XKR4: variants seen among roughly 807,000 people sequenced by gnomAD.
XKR4 encodes the protein XK related 4.
A neutral mutation model predicts 53.9 loss-of-function variants in XKR4; 12 were observed. The observed-to-expected ratio is 0.22, with a 90% CI of 0.14 to 0.36. The LOEUF is 0.36. XKR4 is among the 10% of genes least tolerant of loss of function. The pLI is 1.00. For synonymous variants in XKR4, 354 were observed against 362.4 expected (o/e 0.98, Z 0.26); for missense variants, 799 against 859.5 (o/e 0.93, Z 0.88).
At chr8:55,370,160 AG>A (rs1362549004) in intron 2 of XKR4, among the ~76,000 whole-genome samples, 2 of 152,214 alleles carry the variant, frequency 1.3e-5, no homozygotes, top group Non-Finnish European at 2.9e-5. Flanking sequence ...CTGGATTCAA[AG>A]GCAAGCAGGC....
chr8:55,388,054 A>T (rs1804350614), intron 2 of XKR4, among the ~76,000 whole-genome samples: 1 of 152,160 alleles, frequency 6.6e-6, no homozygotes, highest in Admixed American at 6.5e-5. Flanking sequence ...TTAAAAAATA[A>T]TTTTCAGTAG....
At chr8:55,458,644 T>C (rs1805605878) in intron 2 of XKR4, among the ~76,000 whole-genome samples, 1 of 152,120 alleles carries the variant, frequency 6.6e-6, no homozygotes, top group Non-Finnish European at 1.5e-5. Flanking sequence ...GGAAAGGGAA[T>C]GGAGTGGGAA....
intron 1 of XKR4, among the ~76,000 whole-genome samples, chr8:55,339,715 T>G (rs546180477): frequency 6.6e-6 from 1 of 152,222 alleles, no homozygotes; most frequent in Non-Finnish European, 1.5e-5. Context: ...TGCTAGACAG[T>G]AAATTAGAAA....
At chr8:55,378,487 A>T (rs574654800) in intron 2 of XKR4, among the ~76,000 whole-genome samples, 1 of 152,324 alleles carries the variant, frequency 6.6e-6, no homozygotes, top group Admixed American at 6.5e-5. Context: ...AAATCAAGAG[A>T]GGTAGCTTGC....
At chr8:55,454,747 T>C (rs1239505026) in intron 2 of XKR4, 1 of 790,510 alleles carries the variant, frequency 1.3e-6, no homozygotes, top group African/African-American at 1.7e-5. Context: ...CTCCGCATGG[T>C]CAAGTCGCGA....
At chr8:55,458,282 C>A (rs761468572) in intron 2 of XKR4, among the ~76,000 whole-genome samples, 1 of 152,214 alleles carries the variant, frequency 6.6e-6, no homozygotes, top group Non-Finnish European at 1.5e-5. Flanking sequence ...GTTTACTCAG[C>A]CCACAGGTCT....
In XKR4 at chr8:55,452,114, G is replaced by A. The variant is rs556411908; in HGVS notation, c.1007-71167G>A. On this transcript the variant is annotated intron_variant, in intron 2 of 2. Coordinates refer to ENST00000327381, the MANE Select transcript of XKR4 (RefSeq NM_052898.2). ...TGTAGGTAGAGCCCAGGGTGAAGGAGAAGGTGGCCCTGACATCCGGTGTGT... is the reference window on the plus strand; with the variant it reads ...TGTAGGTAGAGCCCAGGGTGAAGGAAAAGGTGGCCCTGACATCCGGTGTGT... 2.7e-4 allele frequency: 188 copies of A among 690,734 alleles called. 1 individual carries two copies. The African/African-American group carries it at 3.2e-3, about 12-fold the overall frequency. The allele number at this position is 690,734 out of a possible 1,614,324, so 42.8% of individuals were successfully genotyped here. A position where few individuals can be genotyped will look rare whatever the true frequency, so the allele number is the denominator to read the frequency against.
intron 1 of XKR4, among the ~76,000 whole-genome samples, chr8:55,133,050 C>A (rs79551879): frequency 6.6e-6 from 1 of 151,950 alleles, no homozygotes; most frequent in Non-Finnish European, 1.5e-5. Flanking sequence ...GACACCTTTG[C>A]GGGGTGGAGA....
At chr8:55,215,380 C>T (rs1356828115) in intron 1 of XKR4, among the ~76,000 whole-genome samples, 1 of 152,182 alleles carries the variant, frequency 6.6e-6, no homozygotes, top group African/African-American at 2.4e-5. Flanking sequence ...AGAAAAAAGA[C>T]AGCACACCTT....
intron 2 of XKR4, among the ~76,000 whole-genome samples, chr8:55,478,499 C>G (rs942614151): frequency 6.6e-6 from 1 of 152,036 alleles, no homozygotes; most frequent in African/African-American, 2.4e-5. Flanking sequence ...AACTAATGAG[C>G]AAAATAACCA....
At chr8:55,278,450 A>C (rs1444360351) in intron 1 of XKR4, among the ~76,000 whole-genome samples, 1 of 152,010 alleles carries the variant, frequency 6.6e-6, no homozygotes, top group Non-Finnish European at 1.5e-5. Flanking sequence ...ATCTTCACAC[A>C]ATTTTTGTCC....
At chr8:55,114,079 G>C (rs1376604902) in intron 1 of XKR4, among the ~76,000 whole-genome samples, 13 of 151,934 alleles carry the variant, frequency 8.6e-5, no homozygotes. Context: ...TATTCCTTTG[G>C]GTATATATCC....
intron 1 of XKR4, among the ~76,000 whole-genome samples, chr8:55,214,109 G>C (rs1036488225): frequency 6.6e-6 from 1 of 151,982 alleles, no homozygotes; most frequent in African/African-American, 2.4e-5. Context: ...TGATTTGCCT[G>C]TCTCAGCCTC....
chr8:55,466,250 A>G (rs1420173152), intron 2 of XKR4, among the ~76,000 whole-genome samples: 8 of 152,162 alleles, frequency 5.3e-5, no homozygotes, highest in African/African-American at 1.2e-4. Context: ...ATGTCCATCA[A>G]TGATAGACTG....
chr8:55,132,505 A>G (rs1444055373), intron 1 of XKR4, among the ~76,000 whole-genome samples: 1 of 152,246 alleles, frequency 6.6e-6, no homozygotes, highest in Admixed American at 6.5e-5. Context: ...ACTGTAATAA[A>G]AGTTGTGAAT....
chr8:55,234,834 C>T (rs938857923), intron 1 of XKR4, among the ~76,000 whole-genome samples: 2 of 152,122 alleles, frequency 1.3e-5, no homozygotes, highest in South Asian at 2.1e-4. Context: ...CAGGACATAG[C>T]GCAGACCCCT....
rs1028077951 is a variant in XKR4 at position 55,260,538 on chromosome 8, G to A, written c.807-97140G>A. Among the ~76,000 whole-genome samples the A allele has an allele frequency of 2.6e-5, 4 of 152,134 alleles. No individual in the cohort carries two copies. The South Asian group carries it at 8.3e-4, about 32-fold the overall frequency. ...ACATGGAGTGAGGTTTAGAGTGCAGGTTTACTAGGCAAAAGAAAAAGAAAA... is the reference window on the plus strand; with the variant it reads ...ACATGGAGTGAGGTTTAGAGTGCAGATTTACTAGGCAAAAGAAAAAGAAAA... On this transcript the variant is annotated intron_variant, in intron 1 of 2. Coordinates refer to ENST00000327381, the MANE Select transcript of XKR4 (RefSeq NM_052898.2).
At chr8:55,367,768 C>T (rs1804013538) in intron 2 of XKR4, among the ~76,000 whole-genome samples, 1 of 152,126 alleles carries the variant, frequency 6.6e-6, no homozygotes, top group Non-Finnish European at 1.5e-5. Flanking sequence ...TCCAGTCCAT[C>T]AGCAAGTCCT....
rs1471960553 is a variant in XKR4, at chr8:55,213,866, T to C, written c.806+110572T>C. Among the ~76,000 whole-genome samples the C allele has an allele frequency of 8.1e-3, 1,081 of 133,702 alleles. 21 individuals carry two copies. Among genetic ancestry groups the C allele is most frequent in the Middle Eastern group, 0.026 (7 of 270 alleles). 87.7% of individuals were successfully genotyped at this position (133,702 alleles called of 152,430 possible). ...TTTTTTTCTTTCTTTCTTTTTTTTT[T>C]TTTTTTTTTTTTTTTTTGAGACGAG... On this transcript the variant is annotated intron_variant, in intron 1 of 2. Coordinates refer to ENST00000327381, the MANE Select transcript of XKR4 (RefSeq NM_052898.2).
Sources: allele counts gnomAD v4.1 joint callset (sites outside exome capture counted in the v4.1 genomes callset), GRCh38; gene constraint gnomAD v4.1.1; transcripts MANE v1.5; gene names NCBI Gene and HGNC (gene_info 2026-07-23, HGNC 2026-07-21).